The following TMEM163 variants were observed in gnomAD, a reference collection of about 807,000 sequenced individuals.
TMEM163 encodes transmembrane protein 163.
A neutral mutation model predicts 29.3 loss-of-function variants in TMEM163; 17 were observed. That is an observed-to-expected ratio of 0.58 (90% CI 0.40 to 0.87). The LOEUF is 0.87. TMEM163 is among the 40% of genes least tolerant of loss of function. The pLI is 0.00. For missense variants in TMEM163, 303 were observed against 381.5 expected (o/e 0.79, Z 1.71); for synonymous variants, 157 against 160.6 (o/e 0.98, Z 0.17).
At chr2:134,662,122 A>G (rs1008263493) in intron 2 of TMEM163, among the ~76,000 whole-genome samples, 2 of 151,430 alleles carry the variant, frequency 1.3e-5, no homozygotes, top group Non-Finnish European at 1.5e-5. Context: ...TTTTTAGTAG[A>G]GTCGGGGTTT....
intron 2 of TMEM163, among the ~76,000 whole-genome samples, chr2:134,567,764 A>G (rs906297054): frequency 2.6e-5 from 4 of 152,196 alleles, no homozygotes; most frequent in Non-Finnish European, 4.4e-5. Flanking sequence ...ACCTTTCTCC[A>G]TTTGCAACAA....
chr2:134,615,692 T>C (rs1003673242), intron 2 of TMEM163, among the ~76,000 whole-genome samples: 1 of 138,610 alleles, frequency 7.2e-6, no homozygotes, highest in East Asian at 2.2e-4. Flanking sequence ...AATCTGGCTC[T>C]GTCACCCAAG....
intron 2 of TMEM163, among the ~76,000 whole-genome samples, chr2:134,670,429 C>A (rs1343715886): frequency 1.3e-5 from 2 of 152,312 alleles, no homozygotes; most frequent in East Asian, 3.9e-4. Context: ...GGAACACTGG[C>A]AGGGCTGGGC....
chr2:134,624,425 C>T (rs1490431081), intron 2 of TMEM163, among the ~76,000 whole-genome samples: 1 of 151,876 alleles, frequency 6.6e-6, no homozygotes, highest in Non-Finnish European at 1.5e-5. Context: ...CACGTGGACA[C>T]GAAGAGGGGA....
intron 2 of TMEM163, among the ~76,000 whole-genome samples, chr2:134,596,625 A>G (rs1217118566): frequency 6.6e-6 from 1 of 152,186 alleles, no homozygotes; most frequent in Non-Finnish European, 1.5e-5. Context: ...TGAACTTTAG[A>G]GTAGTTTTTT....
intron 2 of TMEM163, among the ~76,000 whole-genome samples, chr2:134,668,687 C>A (rs1049784566): frequency 6.6e-6 from 1 of 151,602 alleles, no homozygotes; most frequent in African/African-American, 2.4e-5. Context: ...TCCTCTCCAC[C>A]CCATAACATG....
At chr2:134,477,252 A>G (rs906433548) in intron 5 of TMEM163, among the ~76,000 whole-genome samples, 1 of 152,248 alleles carries the variant, frequency 6.6e-6, no homozygotes, top group Non-Finnish European at 1.5e-5. Context: ...GGAGATAGAC[A>G]TAAATGTGAT....
chr2:134,597,248 G>T, intron 2 of TMEM163, among the ~76,000 whole-genome samples: 1 of 152,172 alleles, frequency 6.6e-6, no homozygotes, highest in East Asian at 1.9e-4. Flanking sequence ...TTGGCTGTGG[G>T]TTTGTCATAG....
At chr2:134,464,565 C>G (rs1370132043) in intron 6 of TMEM163, among the ~76,000 whole-genome samples, 4 of 152,170 alleles carry the variant, frequency 2.6e-5, no homozygotes, top group East Asian at 1.9e-4. Context: ...CACATCCATG[C>G]ACACGGGTGA....
At chr2:134,599,160 A>G (rs906431787) in intron 2 of TMEM163, among the ~76,000 whole-genome samples, 1 of 152,112 alleles carries the variant, frequency 6.6e-6, no homozygotes, top group African/African-American at 2.4e-5. Flanking sequence ...CTGTAACCCC[A>G]AGCAAACTGG....
rs1340393354 is a variant in TMEM163, at chr2:134,652,762, T to C, written c.322+60438A>G. On this transcript the variant is annotated intron_variant, in intron 2 of 7. Transcript: ENST00000281924. ...TGAGAGTTTTTAGCATGAAGGGCTGTTGAATTTTGTCAAAGGCTTTTTCTG... is the reference window on the plus strand; with the variant it reads ...TGAGAGTTTTTAGCATGAAGGGCTGCTGAATTTTGTCAAAGGCTTTTTCTG... Among the ~76,000 whole-genome samples the C allele has an allele frequency of 9.1e-5, 12 of 131,890 alleles. No homozygotes were observed. The East Asian group carries it at 2.0e-3, about 22-fold the overall frequency. 86.5% of individuals were successfully genotyped at this position (131,890 alleles called of 152,430 possible).
rs149996712 is a variant in TMEM163, at chr2:134,570,664, C to A, written c.323-18573G>T. Reference sequence around the variant, plus strand: ...TCCTGCGTCAGAGGAAAGCAAGTGACCAAACTGCAGAGTGTCCCATTCCCT... The same window carrying A: ...TCCTGCGTCAGAGGAAAGCAAGTGAACAAACTGCAGAGTGTCCCATTCCCT... On this transcript the variant is annotated intron_variant, in intron 2 of 7. Transcript: ENST00000281924. Among the ~76,000 whole-genome samples, 630 of 152,170 alleles carry A rather than the reference C, an allele frequency of 4.1e-3. 5 individuals are homozygous for A. The highest frequency in any genetic ancestry group is 0.014 in the African/African-American group (601 of 41,502).
At chr2:134,465,348 C>T (rs1686648163) in intron 6 of TMEM163, among the ~76,000 whole-genome samples, 1 of 152,176 alleles carries the variant, frequency 6.6e-6, no homozygotes, top group Non-Finnish European at 1.5e-5. Context: ...TATTTCTGCT[C>T]TATTTTGTGC....
rs182666608 is a variant in TMEM163 at position 134,485,419 on chromosome 2, T to A, written c.555+17482A>T. On this transcript the variant is annotated intron_variant, in intron 5 of 7. Coordinates refer to ENST00000281924, the MANE Select transcript of TMEM163 (RefSeq NM_030923.5). ...TGAAAAATCCTAAGCGGAACCATCG[T>A]AAGTTGGGGACCATAAGTAGATTTA... Among the ~76,000 whole-genome samples the A allele has an allele frequency of 3.9e-5, 6 of 152,340 alleles. No individual in the cohort carries two copies. The East Asian group carries it at 1.2e-3, about 29-fold the overall frequency.
intron 4 of TMEM163, among the ~76,000 whole-genome samples, chr2:134,510,761 C>T: frequency 1.3e-5 from 2 of 152,276 alleles, no homozygotes; most frequent in African/African-American, 4.8e-5. Flanking sequence ...AAGGTCTGGA[C>T]AGTGAGATAC....
chr2:134,707,282 G>A (rs936853978), intron 2 of TMEM163, among the ~76,000 whole-genome samples: 4 of 152,188 alleles, frequency 2.6e-5, no homozygotes, highest in African/African-American at 4.8e-5. Flanking sequence ...AGGATTAGAT[G>A]CCACATCTGA....
At chr2:134,596,913 T>C (rs1682098568) in intron 2 of TMEM163, among the ~76,000 whole-genome samples, 1 of 152,208 alleles carries the variant, frequency 6.6e-6, no homozygotes, top group African/African-American at 2.4e-5. Flanking sequence ...TTGGCTCTGT[T>C]TGTCTGCTAT....
intron 2 of TMEM163, among the ~76,000 whole-genome samples, chr2:134,575,021 C>T (rs1681518639): frequency 6.7e-6 from 1 of 148,552 alleles, no homozygotes; most frequent in African/African-American, 2.5e-5. Flanking sequence ...CAAGCAAGGC[C>T]AGCCCAGACA....
At chr2:134,637,446 A>C (rs1180260011) in intron 2 of TMEM163, among the ~76,000 whole-genome samples, 1 of 152,258 alleles carries the variant, frequency 6.6e-6, no homozygotes, top group Admixed American at 6.5e-5. Context: ...AGCCATTCTC[A>C]ACCTAGAACT....
Sources: gnomAD v4.1 joint callset for allele counts (sites outside exome capture counted in the v4.1 genomes callset) on GRCh38, gnomAD v4.1.1 for gene constraint, MANE v1.5 for transcripts, NCBI Gene and HGNC (gene_info 2026-07-23, HGNC 2026-07-21) for gene names.